TRAPPC12: variants seen among roughly 807,000 people sequenced by gnomAD.
The protein encoded by TRAPPC12 is TPR repeat protein 15.
A neutral mutation model predicts 69.2 loss-of-function variants in TRAPPC12; 61 were observed. The ratio of observed to expected loss-of-function variants is 0.88; its 90% CI spans 0.72 to 1.09. The LOEUF is 1.09. TRAPPC12 is among the 50% of genes least tolerant of loss of function. TRAPPC12 has a pLI of 0.00. For synonymous variants in TRAPPC12, 469 were observed against 438.9 expected (o/e 1.07, Z -0.86); for missense variants, 1,101 against 1,016.4 (o/e 1.08, Z -1.13).
In TRAPPC12 at chr2:3,477,772, T is replaced by A. The variant is rs1360543853; in HGVS notation, c.1854T>A (p.Gly618=). 2 of 1,598,814 alleles carry A rather than the reference T, an allele frequency of 1.3e-6. No individual in the cohort carries two copies. The highest frequency in any genetic ancestry group is 1.8e-5 in the Admixed American group (1 of 55,890). Residue 618 remains glycine (G), a synonymous_variant, in exon 10 of 12, where the codon GGT becomes GGA. Coordinates refer to ENST00000324266, the MANE Select transcript of TRAPPC12 (RefSeq NM_016030.6). ...CACAGAAATTAGATGGACTACAGGGTAAAATCATGGTTTTGATGAACAGGT... is the reference window on the plus strand; with the variant it reads ...CACAGAAATTAGATGGACTACAGGGAAAAATCATGGTTTTGATGAACAGGT... ...KVTQKLDGLQ[G]KIMVLMNSAF...
Position 3,478,870 on chromosome 2 carries a change from T to G in TRAPPC12, c.1902T>G (p.Asn634Lys). The G allele has an allele frequency of 6.2e-7, 1 of 1,614,120 alleles. No individual in the cohort carries two copies. The highest frequency in any genetic ancestry group is 8.5e-7 in the Non-Finnish European group (1 of 1,180,040). ...MNSAFLHLGQ[N>K]NFAEAHRFFT... is the part of the protein sequence containing the mutation. ...GCGCGTTCCTTCACCTCGGGCAGAA[T>G]AACTTTGCAGAAGCCCACAGGTTCT... The change falls in exon 11 of 12, where the codon AAT becomes AAG. Residue 634 changes from asparagine (N) to lysine (K), a missense_variant. Physicochemically the swap from Asn to Lys is moderately conservative, Grantham distance 94. Transcript: ENST00000324266.
At chr2:3,478,048 C>T (rs186083723) in intron 10 of TRAPPC12, 43 of 326,770 alleles carry the variant, frequency 1.3e-4, no homozygotes, top group Middle Eastern at 1.6e-3. Flanking sequence ...GTATTGCCCC[C>T]GTTTTCAGCG....
chr2:3,441,668 T>TCTTATAATAAAATATTTTATTTC (rs1664211131), intron 5 of TRAPPC12, among the ~76,000 whole-genome samples: 2 of 148,644 alleles, frequency 1.3e-5, no homozygotes, highest in Non-Finnish European at 3.0e-5. Context: ...TTTATTATTT[T>TCTTATAATAAAATATTTTATTTC]CTTATAATAA....
intron 1 of TRAPPC12, among the ~76,000 whole-genome samples, chr2:3,386,115 A>C (rs1028432186): frequency 6.6e-6 from 1 of 152,234 alleles, no homozygotes; most frequent in Non-Finnish European, 1.5e-5. Context: ...TGTACTTTAA[A>C]ATAATGTTTT....
At chr2:3,413,959 CAT>C (rs1036794498) in intron 3 of TRAPPC12, among the ~76,000 whole-genome samples, 18 of 152,168 alleles carry the variant, frequency 1.2e-4, no homozygotes, top group Non-Finnish European at 1.9e-4. Context: ...CTAAATAATT[CAT>C]ATGAGTGTTT....
In TRAPPC12 at chr2:3,478,997, CCA is replaced by C. The variant is rs1291418898; in HGVS notation, c.1965+70_1965+71del. On this transcript the variant is annotated intron_variant, in intron 11 of 11. Coordinates refer to ENST00000324266, the MANE Select transcript of TRAPPC12 (RefSeq NM_016030.6). ...TTTCACAGACGCTAGAAACATACAC[CCA>C]CACACGTCTCAGCAGGGGCCTGCGC... 5.2e-6 allele frequency: 8 copies of C among 1,539,562 alleles called. No homozygotes were observed. The East Asian group carries it at 1.4e-4, about 26-fold the overall frequency.
intron 2 of TRAPPC12, 147 bp downstream of exon 2, chr2:3,388,817 C>T: frequency 1.3e-6 from 1 of 797,692 alleles, no homozygotes. Flanking sequence ...GTTCCTCTGT[C>T]CCTGGGTAAT....
chr2:3,452,319 CG>C (rs1175951458), intron 6 of TRAPPC12, among the ~76,000 whole-genome samples: 1 of 152,148 alleles, frequency 6.6e-6, no homozygotes, highest in Non-Finnish European at 1.5e-5. Context: ...CTTGCACGGC[CG>C]GGTCTCAGAG....
intron 3 of TRAPPC12, 45 bp from the exon 4 acceptor site, chr2:3,421,836 T>C (rs1245630295): frequency 1.9e-6 from 3 of 1,553,556 alleles, no homozygotes; most frequent in Non-Finnish European, 2.7e-6. Context: ...GATTCCACCA[T>C]GCCTTGCATG....
chr2:3,432,049 G>C (rs72765400), intron 5 of TRAPPC12, among the ~76,000 whole-genome samples: 7 of 152,108 alleles, frequency 4.6e-5, no homozygotes, highest in African/African-American at 1.7e-4. Context: ...TTCTGCATTA[G>C]ATTGCTCACT....
intron 5 of TRAPPC12, among the ~76,000 whole-genome samples, chr2:3,440,482 C>G (rs553528175): frequency 8.6e-5 from 13 of 151,988 alleles, no homozygotes; most frequent in Admixed American, 6.6e-4. Context: ...AAATTCCCAT[C>G]ATTTATTGCT....
At position 3,387,676 on chromosome 2, in the gene TRAPPC12, C is replaced by T; in HGVS notation, c.53C>T (p.Pro18Leu). 6.4e-7 allele frequency: 1 copy of T among 1,557,842 alleles called. No individual in the cohort carries two copies. Among genetic ancestry groups the T allele is most frequent in the East Asian group, 2.4e-5 (1 of 41,094 alleles). Residue 18 changes from proline to leucine, a missense_variant, in exon 2 of 12, where the codon CCC (proline) becomes CTC (leucine). Transcript: ENST00000324266. ...EETPAPEAPH[P>L]PQLAPPEEQG... ...ACCCCGGCCCCGGAGGCCCCGCACC[C>T]CCCTCAGCTCGCGCCTCCGGAGGAG...
intron 5 of TRAPPC12, among the ~76,000 whole-genome samples, chr2:3,440,694 A>G (rs1028629341): frequency 2.0e-5 from 3 of 152,174 alleles, no homozygotes; most frequent in Admixed American, 1.3e-4. Context: ...TTCCAGTACA[A>G]TGTTCAGTAG....
At chr2:3,450,419 C>T (rs1018899231) in intron 6 of TRAPPC12, among the ~76,000 whole-genome samples, 3 of 152,174 alleles carry the variant, frequency 2.0e-5, no homozygotes, top group Admixed American at 2.0e-4. Flanking sequence ...GTGAGAGTGG[C>T]TTTGGAGTCA....
intron 5 of TRAPPC12, among the ~76,000 whole-genome samples, chr2:3,430,851 C>G (rs568416001): frequency 5.3e-5 from 8 of 152,338 alleles, no homozygotes; most frequent in African/African-American, 1.7e-4. Context: ...GGAGCTGCTG[C>G]ACACTGTTGC....
At chr2:3,400,462 C>G (rs765742577) in intron 2 of TRAPPC12, among the ~76,000 whole-genome samples, 2 of 152,092 alleles carry the variant, frequency 1.3e-5, no homozygotes, top group Non-Finnish European at 2.9e-5. Context: ...CTGCTCTATC[C>G]CCCCAGCTGC....
chr2:3,385,735 A>G (rs1159964298), intron 1 of TRAPPC12, among the ~76,000 whole-genome samples: 3 of 152,250 alleles, frequency 2.0e-5, no homozygotes, highest in Non-Finnish European at 2.9e-5. Flanking sequence ...TCATTAGCTT[A>G]TATCGAAATC....
intron 6 of TRAPPC12, among the ~76,000 whole-genome samples, chr2:3,457,408 C>T (rs1033569713): frequency 2.0e-5 from 3 of 152,086 alleles, no homozygotes; most frequent in Non-Finnish European, 2.9e-5. Context: ...ACCCAGGTAA[C>T]CTGCACACAT....
intron 5 of TRAPPC12, among the ~76,000 whole-genome samples, chr2:3,438,493 T>TA (rs1664003530): frequency 1.3e-5 from 1 of 76,516 alleles, no homozygotes; most frequent in African/African-American, 5.3e-5. Context: ...CCTGGATTAA[T>TA]CCCCCGCCAC....
Sources: allele counts gnomAD v4.1 joint callset (sites outside exome capture counted in the v4.1 genomes callset), GRCh38; gene constraint gnomAD v4.1.1; transcripts MANE v1.5; gene names NCBI Gene and HGNC (gene_info 2026-07-23, HGNC 2026-07-21).